The following PPP1R9B variants were observed in gnomAD, a reference collection of about 807,000 sequenced individuals.
PPP1R9B encodes the protein protein phosphatase 1 regulatory subunit 9B.
PPP1R9B carries 17 observed loss-of-function variants against 75.8 expected under a neutral mutation model. The observed-to-expected ratio is 0.22, with a 90% CI of 0.15 to 0.34. PPP1R9B has a LOEUF of 0.34. Among genes scored for constraint, PPP1R9B ranks in the 10% least tolerant of loss-of-function variants. PPP1R9B has a pLI of 1.00. For synonymous variants in PPP1R9B, 509 were observed against 535.4 expected, an observed-to-expected ratio of 0.95 and a Z score of 0.68; for missense variants, 875 against 1,196.0, an observed-to-expected ratio of 0.73 and a Z score of 3.96.
rs777847104 is a variant in PPP1R9B at position 50,149,250 on chromosome 17, C to T, written c.1264G>A (p.Glu422Lys). The T allele has an allele frequency of 6.2e-7, 1 of 1,612,264 alleles. No homozygotes were observed. The highest frequency in any genetic ancestry group is 8.5e-7 in the Non-Finnish European group (1 of 1,179,428). ...EDDEDDEEDGEPPYEPESGCV... is the reference protein window; with the variant it reads ...EDDEDDEEDGKPPYEPESGCV... Reference sequence around the variant, plus strand: ...CCCGACTCGGGCTCGTAGGGGGGCTCCCCATCCTCCTCGTCGTCTTCGTCG... The same window carrying T: ...CCCGACTCGGGCTCGTAGGGGGGCTTCCCATCCTCCTCGTCGTCTTCGTCG... Residue 422 changes from glutamate to lysine, a missense_variant, in exon 1 of 10, where the codon GAG (glutamate) becomes AAG (lysine). Glu to Lys is a moderately conservative substitution (Grantham distance 56, BLOSUM62 1). Around this residue, in one of 4 missense-constraint regions of PPP1R9B, gnomAD observed 449 missense variants for 475.0 expected, o/e 0.95. Coordinates refer to ENST00000612501, the MANE Select transcript of PPP1R9B (RefSeq NM_032595.5). The surrounding 1 kb of genome is among the most constrained non-coding windows in gnomAD (Gnocchi z 7.2).
At chr17:50,145,439 T>C (rs1032286274) in intron 1 of PPP1R9B, among the ~76,000 whole-genome samples, 194 bp from the exon 2 acceptor site, 2 of 151,554 alleles carry the variant, frequency 1.3e-5, no homozygotes, top group African/African-American at 4.9e-5. Flanking sequence ...GAGCCCAGGG[T>C]CAAGACAGAA....
chr17:50,146,419 G>A (rs548510848), intron 1 of PPP1R9B, among the ~76,000 whole-genome samples: 1 of 152,146 alleles, frequency 6.6e-6, no homozygotes, highest in Admixed American at 6.5e-5. Flanking sequence ...AGTCAGACTA[G>A]GACCCCATCT....
Position 50,139,884 on chromosome 17 carries a change from G to A in PPP1R9B, c.1866+209C>T, listed in dbSNP as rs931972318. Among the ~76,000 whole-genome samples, 8 of 152,184 alleles carry A rather than the reference G, an allele frequency of 5.3e-5. No homozygotes were observed. Among genetic ancestry groups the A allele is most frequent in the Non-Finnish European group, 1.5e-5 (1 of 68,034 alleles). On this transcript the variant is annotated intron_variant, in intron 5 of 9. Coordinates refer to ENST00000612501, the MANE Select transcript of PPP1R9B (RefSeq NM_032595.5). The surrounding 1 kb of genome is among the most constrained non-coding windows in gnomAD (Gnocchi z 5.0). ...TCAGATTAGGTCCCCCAAGATTAGG[G>A]GCTATGCTCTCCCCGCAGACTGGGG... is the stretch of plus-strand genomic sequence containing the variant.
At position 50,135,335 on chromosome 17, in the gene PPP1R9B, G is replaced by A. The variant is rs1912193396; in HGVS notation, c.2450C>T (p.Thr817Ile). 1 of 1,612,596 alleles carries A rather than the reference G, an allele frequency of 6.2e-7. No homozygotes were observed. The highest frequency in any genetic ancestry group is 2.2e-5 in the East Asian group (1 of 44,868). ...NLQTLRNSNS[T>I] ...CCAGTCATGGAATGATTCCTGTTAA[G>A]TAGAATTGGAATTCCTCAGTGTTTG... Residue 817 changes from threonine to isoleucine, a missense_variant, in exon 10 of 10, where the codon ACT (threonine) becomes ATT (isoleucine). Physicochemically the swap from Thr to Ile is moderately conservative, Grantham distance 89. Around this residue, in one of 4 missense-constraint regions of PPP1R9B, gnomAD observed 218 missense variants for 334.6 expected, o/e 0.65. Transcript: ENST00000612501.
chr17:50,135,642 C>T lies in PPP1R9B; in HGVS notation c.2311G>A (p.Glu771Lys), dbSNP rs1304749961. Residue 771 changes from glutamate (E) to lysine (K), a missense_variant, in exon 9 of 10, where the codon GAG becomes AAG. Glu to Lys is a moderately conservative substitution (Grantham distance 56). Coordinates refer to ENST00000612501, the MANE Select transcript of PPP1R9B (RefSeq NM_032595.5). ...LIKDYQQKEIEFLKKETAQRR... is the reference protein window; with the variant it reads ...LIKDYQQKEIKFLKKETAQRR... ...TGTGCAGTCTCCTTTTTCAGGAACT[C>T]GATCTCCCTGGGCACAGGCAAGGGA... 1.9e-6 allele frequency: 3 copies of T among 1,606,064 alleles called. No individual in the cohort carries two copies. Among genetic ancestry groups the T allele is most frequent in the Admixed American group, 1.7e-5 (1 of 58,796 alleles).
rs371653834 is a variant in PPP1R9B at position 50,149,379 on chromosome 17, C to T, written c.1135G>A (p.Val379Ile). The change falls in exon 1 of 10, where the codon GTA (valine) becomes ATA (isoleucine). Residue 379 changes from valine (V) to isoleucine (I), a missense_variant. Coordinates refer to ENST00000612501, the MANE Select transcript of PPP1R9B (RefSeq NM_032595.5). The surrounding 1 kb of genome is among the most constrained non-coding windows in gnomAD (Gnocchi z 7.2). Reference sequence around the variant, plus strand: ...AAGTCCTCCTTCTTGGATTCATCTACCTCCTCAGGGGCCACGTCCGGGGCC... The same window carrying T: ...AAGTCCTCCTTCTTGGATTCATCTATCTCCTCAGGGGCCACGTCCGGGGCC... ...GRAPDVAPEE[V>I]DESKKEDFSE... The T allele has an allele frequency of 6.5e-5, 105 of 1,613,050 alleles. No individual in the cohort carries two copies. The highest frequency in any genetic ancestry group is 8.2e-5 in the Non-Finnish European group (97 of 1,179,762).
In PPP1R9B at chr17:50,139,446, C is replaced by A; in HGVS notation, c.2002G>T (p.Val668Leu). The A allele has an allele frequency of 3.1e-6, 5 of 1,605,732 alleles. No individual in the cohort carries two copies. Among genetic ancestry groups the A allele is most frequent in the Non-Finnish European group, 4.3e-6 (5 of 1,173,940 alleles). ...CCTCCCACCTCCTTGAACTTGTGCA[C>A]CAGCTTCTCGGGCTCCATGTCCACA... ...SPVDMEPEKLVHKFKELQIKH... is the reference protein window; with the variant it reads ...SPVDMEPEKLLHKFKELQIKH... Residue 668 changes from valine to leucine, a missense_variant, in exon 6 of 10, where the codon GTG becomes TTG. Physicochemically the swap from Val to Leu is conservative, Grantham distance 32. Coordinates refer to ENST00000612501, the MANE Select transcript of PPP1R9B (RefSeq NM_032595.5). This position sits in a 1 kb window ranked among gnomAD's most constrained non-coding sequence, Gnocchi z 5.0.
At position 50,135,248 on chromosome 17, in the gene PPP1R9B, G is replaced by T. The variant is rs1446507890; in HGVS notation, c.*83C>A. 9.2e-6 allele frequency: 11 copies of T among 1,191,578 alleles called. No homozygotes were observed. Among genetic ancestry groups the T allele is most frequent in the Non-Finnish European group, 1.4e-5 (11 of 809,782 alleles). The allele number at this position is 1,191,578 out of a possible 1,614,324, so 73.8% of individuals were successfully genotyped here. A position where few individuals can be genotyped will look rare whatever the true frequency, so the allele number is the denominator to read the frequency against. ...GGGGCACCTGTCCCCAGGCTGGAAG[G>T]GGGAGGGGTGGGGTGTTGAGGACAG... On this transcript the variant is annotated 3_prime_UTR_variant, in exon 10 of 10. Transcript: ENST00000612501.
At chr17:50,141,485 C>G in intron 3 of PPP1R9B, 112 bp from the exon 4 acceptor site, 2 of 611,828 alleles carry the variant, frequency 3.3e-6, no homozygotes, top group Non-Finnish European at 5.6e-6. Flanking sequence ...ATAGTGAGAA[C>G]TCATCTCTAC....
intron 2 of PPP1R9B, 61 bp from the exon 3 acceptor site, chr17:50,143,779 C>A (rs1001180957): frequency 1.7e-4 from 275 of 1,601,980 alleles, no homozygotes; most frequent in Middle Eastern, 6.6e-4. Context: ...AGACTCTCCA[C>A]CCCGAATTCC....
chr17:50,146,002 T>C (rs994534245), intron 1 of PPP1R9B: 1 of 152,618 alleles, frequency 6.6e-6, no homozygotes, highest in African/African-American at 2.4e-5. Flanking sequence ...CTCTCTAAGT[T>C]ACGCCCCCTG....
intron 8 of PPP1R9B, 34 bp from the exon 9 acceptor site, chr17:50,135,683 G>T: frequency 6.4e-7 from 1 of 1,554,228 alleles, no homozygotes; most frequent in Non-Finnish European, 8.8e-7. Flanking sequence ...GGCAGGTAAG[G>T]GTGTGTGGTC....
chr17:50,136,402 A>G (rs1912232593), intron 7 of PPP1R9B, among the ~76,000 whole-genome samples: 1 of 152,062 alleles, frequency 6.6e-6, no homozygotes, highest in East Asian at 1.9e-4. Flanking sequence ...AGCTCCCACC[A>G]GACTCCCTGT....
chr17:50,141,177 C>T (rs147003086), intron 4 of PPP1R9B, 92 bp downstream of exon 4: 28 of 847,286 alleles, frequency 3.3e-5, no homozygotes, highest in African/African-American at 2.7e-4. Flanking sequence ...GCTGGGCCAC[C>T]AGAACCTTAA....
chr17:50,149,656 G>A lies in PPP1R9B; in HGVS notation c.858C>T (p.Ala286=). Residue 286 remains alanine, a synonymous_variant, in exon 1 of 10, where the codon GCC becomes GCT. Coordinates refer to ENST00000612501, the MANE Select transcript of PPP1R9B (RefSeq NM_032595.5). This position sits in a 1 kb window ranked among gnomAD's most constrained non-coding sequence, Gnocchi z 7.2. ...QQPPQHRVAP[A]RPPPKPREVR... is the part of the protein sequence containing the mutation. The stretch of plus-strand genomic sequence containing the variant: ...CCTCCCGGGGCTTGGGGGGCGGCCG[G>A]GCAGGGGCCACTCGGTGCTGCGGGG... 5 of 1,510,288 alleles carry A rather than the reference G, an allele frequency of 3.3e-6. No homozygotes were observed. Among genetic ancestry groups the A allele is most frequent in the Non-Finnish European group, 3.5e-6 (4 of 1,132,172 alleles). 93.6% of individuals were successfully genotyped at this position (1,510,288 alleles called of 1,614,324 possible).
At chr17:50,145,341 A>G (rs1373221539) in intron 1 of PPP1R9B, 96 bp from the exon 2 acceptor site, 3 of 1,473,852 alleles carry the variant, frequency 2.0e-6, no homozygotes, top group Non-Finnish European at 2.8e-6. Flanking sequence ...TACCCACCCC[A>G]TGCCTCCCCA....
intron 7 of PPP1R9B, among the ~76,000 whole-genome samples, chr17:50,138,133 G>GT (rs1305958562): frequency 2.0e-5 from 3 of 151,726 alleles, no homozygotes; most frequent in Non-Finnish European, 2.9e-5. Context: ...ACATGCTTGT[G>GT]TAAGCATCTG....
At chr17:50,143,284 T>G (rs1322664161) in intron 3 of PPP1R9B, among the ~76,000 whole-genome samples, 3 of 152,160 alleles carry the variant, frequency 2.0e-5, no homozygotes, top group Admixed American at 2.0e-4. Flanking sequence ...CATGCCTGTC[T>G]TCTCCCTACC....
chr17:50,147,219 A>G (rs1354227828), intron 1 of PPP1R9B, among the ~76,000 whole-genome samples: 2 of 152,090 alleles, frequency 1.3e-5, no homozygotes, highest in Non-Finnish European at 2.9e-5. Context: ...CGGGCTGCCC[A>G]CCATGATATG....
Sources: allele counts gnomAD v4.1 joint callset (sites outside exome capture counted in the v4.1 genomes callset), GRCh38; gene constraint gnomAD v4.1.1; regional missense constraint gnomAD v4.1.1; non-coding constraint Gnocchi (gnomAD v3.1); transcripts MANE v1.5; gene names NCBI Gene and HGNC (gene_info 2026-07-23, HGNC 2026-07-21).